CLDN10: variants seen among roughly 807,000 people sequenced by gnomAD.
CLDN10 encodes the protein claudin 10, also known as claudin-10.
Under a neutral mutation model 22.9 loss-of-function variants are expected in CLDN10, and 15 were observed. That is an observed-to-expected ratio of 0.65 (90% confidence interval 0.44 to 1.01). The LOEUF (loss-of-function observed/expected upper bound fraction) is 1.01, where lower values mean the gene tolerates loss of function less well. Ranked by LOEUF, CLDN10 falls within the 50% of genes least tolerant of loss-of-function variation. CLDN10 has a pLI of 0.00. For missense variants in CLDN10, 247 were observed against 287.8 expected, an observed-to-expected ratio of 0.86 and a Z score of 1.03; for synonymous variants, 114 against 111.4, an observed-to-expected ratio of 1.02 and a Z score of -0.15.
At chr13:95,460,497 T>C (rs1032173894) in intron 1 of CLDN10, among the ~76,000 whole-genome samples, 3 of 152,116 alleles carry the variant, frequency 2.0e-5, no homozygotes, top group Non-Finnish European at 4.4e-5. Context: ...AGCCACCTTC[T>C]TCACATGGCA....
intron 1 of CLDN10, among the ~76,000 whole-genome samples, chr13:95,512,712 G>T (rs1483112018): frequency 6.6e-6 from 1 of 152,094 alleles, no homozygotes; most frequent in Non-Finnish European, 1.5e-5. Flanking sequence ...TTTCAATCAG[G>T]CTAGAGCACT....
At chr13:95,548,465 T>C (rs1197164008), upstream of CLDN10, among the ~76,000 whole-genome samples, 1 of 152,172 alleles carries the variant, frequency 6.6e-6, no homozygotes, top group Non-Finnish European at 1.5e-5. Context: ...GCAACTGTTT[T>C]TATAGTTATA....
chr13:95,509,290 CTG>C (rs1158112723), intron 1 of CLDN10, among the ~76,000 whole-genome samples: 2 of 152,122 alleles, frequency 1.3e-5, no homozygotes, highest in Non-Finnish European at 2.9e-5. Context: ...GAATAAGAGA[CTG>C]TGAATATGGT....
intron 1 of CLDN10, among the ~76,000 whole-genome samples, chr13:95,531,170 A>G (rs2043338768): frequency 6.6e-6 from 1 of 152,086 alleles, no homozygotes; most frequent in Admixed American, 6.5e-5. Context: ...TGCCCGCCTC[A>G]GCCTCCCATA....
chr13:95,433,918 A>G (rs1478418791), exon 1 of CLDN10: 1 of 1,614,202 alleles, frequency 6.2e-7, no homozygotes, highest in Non-Finnish European at 8.5e-7. Context: ...CAATGAGTGG[A>G]AAGTGACCAC....
chr13:95,540,458 C>T (rs1233304366), intron 1 of CLDN10, among the ~76,000 whole-genome samples: 1 of 151,834 alleles, frequency 6.6e-6, no homozygotes, highest in Non-Finnish European at 1.5e-5. Context: ...AGCACCACTG[C>T]ACACCAGCCT....
chr13:95,475,431 AACC>A (rs559219689), intron 1 of CLDN10, among the ~76,000 whole-genome samples: 118 of 152,310 alleles, frequency 7.7e-4, no homozygotes, highest in Non-Finnish European at 1.3e-3. Flanking sequence ...GAGGCTCTGC[AACC>A]ACCATCAGAT....
chr13:95,559,398 G>T (rs1412933782), intron 1 of CLDN10, among the ~76,000 whole-genome samples: 1 of 152,128 alleles, frequency 6.6e-6, no homozygotes, highest in Non-Finnish European at 1.5e-5. Flanking sequence ...ACTCGTTAGG[G>T]TACTTTAAAG....
rs540575207 is a variant in CLDN10 at position 95,478,147 on chromosome 13, T to C, written c.214+44100T>C. Among the ~76,000 whole-genome samples the C allele has an allele frequency of 7.6e-5, 10 of 130,816 alleles. No homozygotes were observed. In the South Asian group the frequency reaches 2.2e-3, roughly 29 times the overall value. 85.8% of individuals were successfully genotyped at this position (130,816 alleles called of 152,430 possible). ...TGGCAAAACACCATATCAACTAAAATAGAAAAAAAAAATAGCTGGACATGG... is the reference window on the plus strand; with the variant it reads ...TGGCAAAACACCATATCAACTAAAACAGAAAAAAAAAATAGCTGGACATGG... On this transcript the variant is annotated intron_variant, in intron 1 of 4. Coordinates refer to the CLDN10 transcript ENST00000376873.
At chr13:95,539,253 A>G (rs535406881) in intron 1 of CLDN10, among the ~76,000 whole-genome samples, 1 of 152,340 alleles carries the variant, frequency 6.6e-6, no homozygotes, top group Admixed American at 6.5e-5. Flanking sequence ...GAGGATAGCA[A>G]TGTAAAAGTA....
intron 1 of CLDN10, chr13:95,533,684 TA>T (rs1275062987): frequency 6.6e-6 from 1 of 152,132 alleles, no homozygotes; most frequent in African/African-American, 2.4e-5. Flanking sequence ...ATCCAAGACT[TA>T]GTTAGATCTT....
intron 1 of CLDN10, among the ~76,000 whole-genome samples, chr13:95,461,128 A>AT (rs1264393691): frequency 1.3e-5 from 2 of 151,862 alleles, no homozygotes; most frequent in Non-Finnish European, 2.9e-5. Flanking sequence ...AGAAAAAATT[A>AT]TTTTTTAGAG....
chr13:95,448,796 G>A (rs2139075117), intron 1 of CLDN10, among the ~76,000 whole-genome samples: 1 of 147,774 alleles, frequency 6.8e-6, no homozygotes, highest in South Asian at 2.2e-4. Context: ...TTGGAGTTCA[G>A]TGGCACGATC....
intron 1 of CLDN10, 101 bp from the exon 2 acceptor site, chr13:95,560,031 C>A: frequency 8.6e-7 from 1 of 1,162,972 alleles, no homozygotes; most frequent in Non-Finnish European, 1.2e-6. Flanking sequence ...TCACAGTTAT[C>A]TTTTTGGAAA....
At chr13:95,474,562 G>C (rs2042666700) in intron 1 of CLDN10, among the ~76,000 whole-genome samples, 1 of 152,192 alleles carries the variant, frequency 6.6e-6, no homozygotes. Context: ...CCTCAGTCAG[G>C]GAAGATAAGA....
intron 1 of CLDN10, among the ~76,000 whole-genome samples, chr13:95,453,700 A>G (rs1163853722): frequency 1.3e-5 from 2 of 151,838 alleles, no homozygotes; most frequent in East Asian, 1.9e-4. Flanking sequence ...AAAAGAAAAA[A>G]AAAAAAGAGC....
chr13:95,450,059 A>G (rs1289408269), intron 1 of CLDN10, among the ~76,000 whole-genome samples: 1 of 151,794 alleles, frequency 6.6e-6, no homozygotes, highest in African/African-American at 2.4e-5. Flanking sequence ...TTTTTTGTAG[A>G]GACAGGGTTC....
At chr13:95,459,040 T>A (rs2139086881) in intron 1 of CLDN10, among the ~76,000 whole-genome samples, 1 of 152,274 alleles carries the variant, frequency 6.6e-6, no homozygotes, top group South Asian at 2.1e-4. Context: ...GGGGCAGTCA[T>A]TAAATCTTAG....
chr13:95,526,786 T>TTAAA lies in CLDN10; in HGVS notation c.215-33346_215-33345insTAAA, dbSNP rs1240554814. Among the ~76,000 whole-genome samples, 4 of 88,540 alleles carry TTAAA rather than the reference T, an allele frequency of 4.5e-5. No individual in the cohort carries two copies. The South Asian group carries it at 1.3e-3, about 28-fold the overall frequency. 58.1% of individuals were successfully genotyped at this position (88,540 alleles called of 152,430 possible). On this transcript the variant is annotated intron_variant, in intron 1 of 4. Coordinates refer to the CLDN10 transcript ENST00000376873. ...TGGGCAATAAGAGTGAAATTCCATC[T>TTAAA]CAAATAAATAAATAAATAAATAAAT... is the stretch of plus-strand genomic sequence containing the variant.
Sources: gnomAD v4.1 joint callset for allele counts (sites outside exome capture counted in the v4.1 genomes callset) on GRCh38, gnomAD v4.1.1 for gene constraint, MANE v1.5 for transcripts, NCBI Gene and HGNC (gene_info 2026-07-23, HGNC 2026-07-21) for gene names.